The following MACROD2 variants were observed in gnomAD, a reference collection of about 807,000 sequenced individuals.
The protein encoded by MACROD2 is mono-ADP ribosylhydrolase 2.
Under a neutral mutation model 70.4 loss-of-function variants are expected in MACROD2, and 36 were observed. The observed-to-expected ratio is 0.51, with a 90% CI of 0.39 to 0.68. MACROD2 has a LOEUF of 0.68. Among genes scored for constraint, MACROD2 ranks in the 30% least tolerant of loss-of-function variants. The pLI is 0.00. For missense variants in MACROD2, 496 were observed against 538.4 expected (o/e 0.92, Z 0.78); for synonymous variants, 172 against 178.8 (o/e 0.96, Z 0.30).
At chr20:15,874,494 C>T (rs972269118) in intron 9 of MACROD2, among the ~76,000 whole-genome samples, 1 of 151,984 alleles carries the variant, frequency 6.6e-6, no homozygotes, top group Non-Finnish European at 1.5e-5. Context: ...CGCCACACTG[C>T]CTTCCACAAT....
intron 5 of MACROD2, among the ~76,000 whole-genome samples, chr20:15,109,217 T>C (rs2123215928): frequency 6.6e-6 from 1 of 152,228 alleles, no homozygotes; most frequent in South Asian, 2.1e-4. Context: ...TAGAACATAC[T>C]TGGATTCAAA....
intron 7 of MACROD2, among the ~76,000 whole-genome samples, chr20:15,432,603 G>A (rs2046376790): frequency 6.6e-6 from 1 of 151,994 alleles, no homozygotes; most frequent in Non-Finnish European, 1.5e-5. Flanking sequence ...AGTTATGCCT[G>A]GCAAATACCC....
At chr20:14,783,531 T>A (rs2072327552) in intron 5 of MACROD2, among the ~76,000 whole-genome samples, 1 of 152,106 alleles carries the variant, frequency 6.6e-6, no homozygotes, top group African/African-American at 2.4e-5. Context: ...ATGGTGATAA[T>A]AGTACGTACT....
intron 5 of MACROD2, among the ~76,000 whole-genome samples, chr20:15,090,450 C>A (rs1171143658): frequency 1.3e-5 from 2 of 152,004 alleles, no homozygotes; most frequent in Non-Finnish European, 2.9e-5. Flanking sequence ...TTCTACCTTC[C>A]TCACTGCTTA....
chr20:15,714,076 C>T (rs75672224), intron 8 of MACROD2, among the ~76,000 whole-genome samples: 106 of 151,754 alleles, frequency 7.0e-4, no homozygotes, highest in African/African-American at 2.5e-3. Context: ...TAACCATGCC[C>T]CACCAGAAAT....
chr20:15,846,036 A>G (rs2064227334), intron 8 of MACROD2, among the ~76,000 whole-genome samples: 1 of 152,216 alleles, frequency 6.6e-6, no homozygotes, highest in South Asian at 2.1e-4. Flanking sequence ...GAGAGTAAAA[A>G]TGTTATTTCT....
chr20:15,279,269 G>T (rs917645549), intron 6 of MACROD2, among the ~76,000 whole-genome samples: 1 of 152,152 alleles, frequency 6.6e-6, no homozygotes, highest in Non-Finnish European at 1.5e-5. Flanking sequence ...CCTCACTGCT[G>T]CCTTCTTTAC....
chr20:15,328,730 A>G (rs1280062091), intron 6 of MACROD2, among the ~76,000 whole-genome samples: 1 of 152,124 alleles, frequency 6.6e-6, no homozygotes, highest in Non-Finnish European at 1.5e-5. Flanking sequence ...CTTAGATGCC[A>G]CTTATTATTT....
At position 15,992,974 on chromosome 20, in the gene MACROD2, T is replaced by C. The variant is rs115990418; in HGVS notation, c.1153+5816T>C. Reference sequence around the variant, plus strand: ...TGTGTACCTTCATCTAAACATAATATTGTTTTACATATATGATCCTGAAAT... The same window carrying C: ...TGTGTACCTTCATCTAAACATAATACTGTTTTACATATATGATCCTGAAAT... On this transcript the variant is annotated intron_variant, in intron 15 of 17. Transcript: ENST00000684519. Among the ~76,000 whole-genome samples the C allele has an allele frequency of 4.1e-3, 622 of 152,280 alleles. 3 individuals carry two copies. The highest frequency in any genetic ancestry group is 0.014 in the African/African-American group (600 of 41,556).
At chr20:14,933,385 T>C (rs1208906533) in intron 5 of MACROD2, among the ~76,000 whole-genome samples, 1 of 152,166 alleles carries the variant, frequency 6.6e-6, no homozygotes, top group Non-Finnish European at 1.5e-5. Context: ...TAAGATATAT[T>C]TTTAAAGTTT....
At chr20:15,221,552 T>G (rs1357696762) in intron 5 of MACROD2, among the ~76,000 whole-genome samples, 1 of 152,186 alleles carries the variant, frequency 6.6e-6, no homozygotes, top group Non-Finnish European at 1.5e-5. Flanking sequence ...TCAATCTGTG[T>G]TATTAAAAAG....
chr20:15,520,695 A>T (rs2047641175), intron 8 of MACROD2, among the ~76,000 whole-genome samples: 1 of 152,200 alleles, frequency 6.6e-6, no homozygotes, highest in South Asian at 2.1e-4. Context: ...CCTCTGTGGC[A>T]CTACTGAGAG....
chr20:14,708,350 G>A (rs1568750992), intron 5 of MACROD2, among the ~76,000 whole-genome samples: 1 of 152,088 alleles, frequency 6.6e-6, no homozygotes, highest in Non-Finnish European at 1.5e-5. Flanking sequence ...AGTATAGTTC[G>A]AAAGAAGCCA....
Position 15,771,391 on chromosome 20 carries a change from C to T in MACROD2, c.646-91354C>T, listed in dbSNP as rs377646810. ...AAAGATGGGATTTTGCCATGTAGTTCAGGCTGGTCTCAAATTCCTGGGCTC... is the reference window on the plus strand; with the variant it reads ...AAAGATGGGATTTTGCCATGTAGTTTAGGCTGGTCTCAAATTCCTGGGCTC... On this transcript the variant is annotated intron_variant, in intron 8 of 17. Coordinates refer to ENST00000684519, the MANE Select transcript of MACROD2 (RefSeq NM_001351661.2). Among the ~76,000 whole-genome samples, 8 of 149,222 alleles carry T rather than the reference C, an allele frequency of 5.4e-5. No individual in the cohort carries two copies. In the South Asian group the frequency reaches 1.7e-3, roughly 31 times the overall value.
chr20:14,904,823 G>T (rs749726213), intron 5 of MACROD2: 7 of 152,152 alleles, frequency 4.6e-5, no homozygotes, highest in Non-Finnish European at 8.8e-5. Context: ...ATGCTCAATG[G>T]CATATATTAT....
intron 2 of MACROD2, chr20:14,003,839 A>C: frequency 3.4e-6 from 1 of 297,364 alleles, no homozygotes; most frequent in Non-Finnish European, 6.4e-6. Context: ...CTGTGTAATG[A>C]AAAGAATACA....
intron 8 of MACROD2, among the ~76,000 whole-genome samples, chr20:15,611,477 C>G (rs1439254099): frequency 6.6e-6 from 1 of 152,090 alleles, no homozygotes; most frequent in African/African-American, 2.4e-5. Flanking sequence ...TTAATAAACA[C>G]CCTGCATGCT....
chr20:15,611,994 C>T (rs1264954396), intron 8 of MACROD2, among the ~76,000 whole-genome samples: 2 of 151,276 alleles, frequency 1.3e-5, no homozygotes, highest in Admixed American at 6.6e-5. Context: ...CACCACCCGG[C>T]AACACACATG....
At chr20:16,022,051 T>C (rs1280244727) in intron 15 of MACROD2, among the ~76,000 whole-genome samples, 1 of 140,116 alleles carries the variant, frequency 7.1e-6, no homozygotes, top group African/African-American at 2.8e-5. Context: ...CAGTTTCTTT[T>C]TTTTTTTTTT....
Sources: allele counts gnomAD v4.1 joint callset (sites outside exome capture counted in the v4.1 genomes callset), GRCh38; gene constraint gnomAD v4.1.1; transcripts MANE v1.5; gene names NCBI Gene and HGNC (gene_info 2026-07-23, HGNC 2026-07-21).